KATNAL2: variants seen among roughly 807,000 people sequenced by gnomAD.
KATNAL2 encodes the protein katanin p60 ATPase-containing subunit A-like 2.
A neutral mutation model predicts 76.3 loss-of-function variants in KATNAL2; 52 were observed. That is an observed-to-expected ratio of 0.68 (90% confidence interval 0.55 to 0.86). The LOEUF is 0.86. KATNAL2 is among the 40% of genes least tolerant of loss of function. KATNAL2 has a pLI of 0.00. For synonymous variants in KATNAL2, 243 were observed against 244.2 expected, an observed-to-expected ratio of 1.00 and a Z score of 0.05; for missense variants, 660 against 668.9, an observed-to-expected ratio of 0.99 and a Z score of 0.15.
In KATNAL2 at chr18:46,917,647, G is replaced by A. The variant is rs1000818255; in HGVS notation, c.-789G>A. 4.3e-5 allele frequency: 33 copies of A among 775,312 alleles called. No individual in the cohort carries two copies. Among genetic ancestry groups the A allele is most frequent in the Admixed American group, 1.8e-4 (3 of 16,418 alleles). The allele number at this position is 775,312 out of a possible 1,614,324, so 48.0% of individuals were successfully genotyped here. On this transcript the variant is annotated 5_prime_UTR_variant, in exon 1 of 18. Coordinates refer to ENST00000683218, the MANE Select transcript of KATNAL2 (RefSeq NM_001387690.1). ...CCGCCCGCGCCTGCCCCGGCGTGCT[G>A]CCCCGCGGCTTGGCCCCGCTCGGCC...
At chr18:47,075,429 G>GC in intron 14 of KATNAL2, 61 bp downstream of exon 14, 1 of 1,253,170 alleles carries the variant, frequency 8.0e-7, no homozygotes, top group Non-Finnish European at 1.1e-6. Flanking sequence ...CTCCCCTCTT[G>GC]TGTGTTTGAT....
At chr18:46,920,720 C>T (rs891009687) in intron 1 of KATNAL2, among the ~76,000 whole-genome samples, 1 of 152,194 alleles carries the variant, frequency 6.6e-6, no homozygotes, top group Non-Finnish European at 1.5e-5. Flanking sequence ...GCATGTTTCT[C>T]TTCACTGTTG....
chr18:47,069,320 T>C lies in KATNAL2; in HGVS notation c.889+37T>C, dbSNP rs1174043372. 1.9e-6 allele frequency: 3 copies of C among 1,557,728 alleles called. No homozygotes were observed. In the Admixed American group the frequency reaches 5.2e-5, roughly 27 times the overall value. On this transcript the variant is annotated intron_variant, in intron 12 of 17. Coordinates refer to ENST00000683218, the MANE Select transcript of KATNAL2 (RefSeq NM_001387690.1). Reference sequence around the variant, plus strand: ...TTCCTATTTTGATGTCAGTGTTAAGTGTGTGTGCAGAGGATGAGTTGCCCC... The same window carrying C: ...TTCCTATTTTGATGTCAGTGTTAAGCGTGTGTGCAGAGGATGAGTTGCCCC...
chr18:47,061,909 G>C (rs142290241), intron 8 of KATNAL2, among the ~76,000 whole-genome samples: 344 of 151,992 alleles, frequency 2.3e-3, no homozygotes, highest in Middle Eastern at 0.01. Context: ...CTACCTCTAG[G>C]GGGGACAGGG....
At position 46,961,421 on chromosome 18, in the gene KATNAL2, G is replaced by A. The variant is rs549070328; in HGVS notation, c.51+14498G>A. 8.5e-4 allele frequency among the ~76,000 whole-genome samples: 130 copies of A among 152,264 alleles called. 1 individual carries two copies. The highest frequency in any genetic ancestry group is 1.7e-3 in the Non-Finnish European group (115 of 68,014). ...TCTCTGTACATGATAGAGTGACAGC[G>A]ATTCATGTAATACACTTGTGTTGAA... On this transcript the variant is annotated intron_variant, in intron 3 of 17. Transcript: ENST00000683218.
At chr18:47,032,889 C>T in intron 3 of KATNAL2, 1 of 1,586,368 alleles carries the variant, frequency 6.3e-7, no homozygotes, top group Admixed American at 1.7e-5. Context: ...AAAGGCTCAA[C>T]TTTGCACCAA....
chr18:47,034,413 T>G (rs753981239), intron 3 of KATNAL2: 1 of 1,614,030 alleles, frequency 6.2e-7, no homozygotes, highest in Non-Finnish European at 8.5e-7. Flanking sequence ...CTTGCCCCCC[T>G]TCCTTGTCTG....
intron 3 of KATNAL2, among the ~76,000 whole-genome samples, chr18:47,037,885 A>G (rs1247927064): frequency 2.0e-5 from 3 of 150,746 alleles, no homozygotes; most frequent in Non-Finnish European, 2.9e-5. Flanking sequence ...GAGTCTCCCT[A>G]TGTTGCCCAG....
At position 47,047,431 on chromosome 18, in the gene KATNAL2, C is replaced by T. The variant is rs375874201; in HGVS notation, c.122+904C>T. ...TCAGTTTTTCTTTCCTCAAAATAAA[C>T]GTATTGCATTTACTTGGACAACCTA... On this transcript the variant is annotated intron_variant, in intron 4 of 17. Coordinates refer to ENST00000683218, the MANE Select transcript of KATNAL2 (RefSeq NM_001387690.1). Among the ~76,000 whole-genome samples, 3 of 152,166 alleles carry T rather than the reference C, an allele frequency of 2.0e-5. No homozygotes were observed. In the East Asian group the frequency reaches 5.8e-4, roughly 29 times the overall value.
intron 6 of KATNAL2, among the ~76,000 whole-genome samples, chr18:47,056,723 A>T (rs1049361357): frequency 6.6e-6 from 1 of 152,208 alleles, no homozygotes; most frequent in African/African-American, 2.4e-5. Context: ...GATCAGTTGC[A>T]TCCAATGGGA....
At chr18:47,083,241 G>C (rs2062614080) in intron 15 of KATNAL2, among the ~76,000 whole-genome samples, 1 of 152,170 alleles carries the variant, frequency 6.6e-6, no homozygotes, top group Non-Finnish European at 1.5e-5. Flanking sequence ...AGAAAATAGT[G>C]TATTTTTTAG....
At chr18:46,966,179 G>A (rs1281604238) in intron 3 of KATNAL2, among the ~76,000 whole-genome samples, 1 of 138,814 alleles carries the variant, frequency 7.2e-6, no homozygotes, top group Non-Finnish European at 1.6e-5. Context: ...GCCTCACGAA[G>A]AGGATCGTAG....
intron 3 of KATNAL2, among the ~76,000 whole-genome samples, chr18:46,955,138 CTCTCTT>C (rs1323150328): frequency 1.0e-4 from 13 of 129,104 alleles, no homozygotes; most frequent in Non-Finnish European, 1.3e-4. Flanking sequence ...TTCTTTCTCT[CTCTCTT>C]TCTTTCTTTC....
chr18:46,930,325 T>C (rs2079042717), intron 1 of KATNAL2, among the ~76,000 whole-genome samples: 1 of 152,222 alleles, frequency 6.6e-6, no homozygotes, highest in African/African-American at 2.4e-5. Context: ...ATCACTAATA[T>C]ATTCAGTTTC....
chr18:47,033,886 G>A lies in KATNAL2; in HGVS notation c.52-12571G>A, dbSNP rs536619955. ...GGCCTCTGAGAGGTCCCAGAGCTCT[G>A]AGAAGACATGGCTGGGCACCGTTTT... On this transcript the variant is annotated intron_variant, in intron 3 of 17. Coordinates refer to ENST00000683218, the MANE Select transcript of KATNAL2 (RefSeq NM_001387690.1). The A allele has an allele frequency of 1.6e-4, 258 of 1,613,786 alleles. 2 individuals are homozygous for A. In the Admixed American group the frequency reaches 4.2e-3, roughly 27 times the overall value.
chr18:47,039,743 G>C (rs1432909653), intron 3 of KATNAL2, among the ~76,000 whole-genome samples: 1 of 152,198 alleles, frequency 6.6e-6, no homozygotes, highest in Non-Finnish European at 1.5e-5. Flanking sequence ...AGAAGCAAAT[G>C]CTTCTAGTGA....
intron 3 of KATNAL2, among the ~76,000 whole-genome samples, chr18:47,031,601 C>T (rs72919285): frequency 2.0e-5 from 3 of 152,042 alleles, no homozygotes; most frequent in Non-Finnish European, 4.4e-5. Flanking sequence ...GCTACTTCTC[C>T]AGGAGAATCG....
intron 3 of KATNAL2, among the ~76,000 whole-genome samples, chr18:46,954,129 T>C (rs1406880429): frequency 2.0e-5 from 3 of 151,570 alleles, no homozygotes; most frequent in Non-Finnish European, 4.4e-5. Context: ...TCCCGTCTTC[T>C]GCCTGGGTAG....
At chr18:47,063,813 C>T (rs760296537) in intron 10 of KATNAL2, among the ~76,000 whole-genome samples, 5 of 152,140 alleles carry the variant, frequency 3.3e-5, no homozygotes, top group African/African-American at 4.8e-5. Context: ...ATCCAGACTA[C>T]GGACTTTTCC....
Sources: gnomAD v4.1 joint callset for allele counts (sites outside exome capture counted in the v4.1 genomes callset) on GRCh38, gnomAD v4.1.1 for gene constraint, MANE v1.5 for transcripts, NCBI Gene and HGNC (gene_info 2026-07-23, HGNC 2026-07-21) for gene names.